The following LDB2 variants were observed in gnomAD, a reference collection of about 807,000 sequenced individuals.
LDB2 encodes LIM domain binding 2.
LDB2 carries 12 observed loss-of-function variants against 44.3 expected under a neutral mutation model. That is an observed-to-expected ratio of 0.27 (90% CI 0.17 to 0.44). LDB2 has a LOEUF of 0.44. LDB2 is among the 20% of genes least tolerant of loss of function. The pLI is 1.00. For synonymous variants in LDB2, 164 were observed against 174.8 expected, an observed-to-expected ratio of 0.94 and a Z score of 0.49; for missense variants, 344 against 473.5, an observed-to-expected ratio of 0.73 and a Z score of 2.54.
chr4:16,633,417 C>T (rs1258389287), intron 2 of LDB2, among the ~76,000 whole-genome samples: 1 of 151,972 alleles, frequency 6.6e-6, no homozygotes, highest in Non-Finnish European at 1.5e-5. Flanking sequence ...GCACGTGTAC[C>T]CTAGAACTTA....
At position 16,517,137 on chromosome 4, in the gene LDB2, G is replaced by T. The variant is rs192296057; in HGVS notation, c.616-5033C>A. On this transcript the variant is annotated intron_variant, in intron 5 of 7. Transcript: ENST00000304523. The stretch of plus-strand genomic sequence containing the variant: ...TTGCTAGTCAAATCCGTTGGGAGCT[G>T]CCATTCCTACCCTCCCTGAGGTCTG... 2.4e-3 allele frequency among the ~76,000 whole-genome samples: 359 copies of T among 152,282 alleles called. 2 individuals carry two copies. Among genetic ancestry groups the T allele is most frequent in the African/African-American group, 8.4e-3 (348 of 41,564 alleles).
At chr4:16,867,376 A>C (rs1428414376) in intron 1 of LDB2, among the ~76,000 whole-genome samples, 2 of 152,250 alleles carry the variant, frequency 1.3e-5, no homozygotes, top group Non-Finnish European at 2.9e-5. Flanking sequence ...TTACCCCCAG[A>C]GTATTAATTA....
intron 1 of LDB2, among the ~76,000 whole-genome samples, chr4:16,798,955 A>T (rs1777250886): frequency 6.6e-6 from 1 of 152,126 alleles, no homozygotes; most frequent in Admixed American, 6.5e-5. Context: ...GGTTCACGCC[A>T]TTCTCCTGCC....
intron 2 of LDB2, among the ~76,000 whole-genome samples, chr4:16,625,386 T>C (rs1730005294): frequency 6.6e-6 from 1 of 152,206 alleles, no homozygotes; most frequent in Non-Finnish European, 1.5e-5. Context: ...TTCTCCTCAG[T>C]AGTGACAGAG....
At chr4:16,767,394 G>C (rs901902977) in intron 1 of LDB2, among the ~76,000 whole-genome samples, 5 of 152,162 alleles carry the variant, frequency 3.3e-5, no homozygotes, top group Admixed American at 1.3e-4. Flanking sequence ...AGCAAACGTA[G>C]GTTTTCCATG....
chr4:16,644,691 A>G (rs904126450), intron 2 of LDB2, among the ~76,000 whole-genome samples: 1 of 152,162 alleles, frequency 6.6e-6, no homozygotes, highest in East Asian at 1.9e-4. Flanking sequence ...TGGCCTCCCA[A>G]AGTGCTGGGA....
intron 1 of LDB2, among the ~76,000 whole-genome samples, chr4:16,816,936 T>A (rs943638792): frequency 1.3e-5 from 2 of 152,138 alleles, no homozygotes; most frequent in Admixed American, 6.5e-5. Flanking sequence ...CAGTCCCTCA[T>A]CTGTATGTCA....
chr4:16,608,599 A>G (rs1057424783), intron 2 of LDB2, among the ~76,000 whole-genome samples: 1 of 152,192 alleles, frequency 6.6e-6, no homozygotes, highest in Non-Finnish European at 1.5e-5. Flanking sequence ...CTAGGTGCCA[A>G]TGCTTACAGC....
chr4:16,684,115 G>A (rs775200248), intron 2 of LDB2, among the ~76,000 whole-genome samples: 5 of 152,212 alleles, frequency 3.3e-5, no homozygotes, highest in Non-Finnish European at 7.3e-5. Flanking sequence ...TCTATTAAGA[G>A]CAATGCCACG....
At chr4:16,760,818 C>A (rs953427254) in intron 1 of LDB2, among the ~76,000 whole-genome samples, 1 of 152,132 alleles carries the variant, frequency 6.6e-6, no homozygotes, top group African/African-American at 2.4e-5. Context: ...GAGGAATCTG[C>A]CAGGGAAAGA....
chr4:16,882,686 T>A (rs566544357), intron 1 of LDB2, among the ~76,000 whole-genome samples: 146 of 152,370 alleles, frequency 9.6e-4, no homozygotes, highest in Admixed American at 2.9e-3. Flanking sequence ...TAATAAACTA[T>A]ATTTTAATGT....
intron 7 of LDB2, 101 bp downstream of exon 7, chr4:16,508,434 G>A: frequency 9.5e-7 from 1 of 1,053,782 alleles, no homozygotes; most frequent in East Asian, 2.9e-5. Context: ...ACCTGCCCAG[G>A]ATTTTTTTTT....
At chr4:16,525,306 CTTCTTGGCTGCT>C (rs1264674690) in intron 5 of LDB2, among the ~76,000 whole-genome samples, 1 of 152,202 alleles carries the variant, frequency 6.6e-6, no homozygotes, top group African/African-American at 2.4e-5. Context: ...GAACAGCTGT[CTTCTTGGCTGCT>C]TTCTTGGGAG....
intron 1 of LDB2, among the ~76,000 whole-genome samples, chr4:16,860,264 G>A (rs1712081365): frequency 6.6e-6 from 1 of 152,170 alleles, no homozygotes; most frequent in African/African-American, 2.4e-5. Flanking sequence ...AAATACTAAT[G>A]AGACCTTTAA....
At chr4:16,734,273 TG>T (rs1231640053) in intron 2 of LDB2, among the ~76,000 whole-genome samples, 1 of 152,188 alleles carries the variant, frequency 6.6e-6, no homozygotes, top group African/African-American at 2.4e-5. Context: ...ACCCACTCAC[TG>T]GGGTAATGCA....
At chr4:16,669,453 C>A (rs1481149648) in intron 2 of LDB2, among the ~76,000 whole-genome samples, 1 of 152,118 alleles carries the variant, frequency 6.6e-6, no homozygotes, top group Non-Finnish European at 1.5e-5. Flanking sequence ...CATTTTTAAT[C>A]AAGTTCTTCC....
chr4:16,699,999 G>A (rs536246235), intron 2 of LDB2, among the ~76,000 whole-genome samples: 11 of 152,230 alleles, frequency 7.2e-5, no homozygotes, highest in South Asian at 4.2e-4. Context: ...AATGTTTGGG[G>A]CCAGATGTGT....
At chr4:16,839,659 G>A (rs1785515164) in intron 1 of LDB2, among the ~76,000 whole-genome samples, 1 of 151,668 alleles carries the variant, frequency 6.6e-6, no homozygotes, top group Non-Finnish European at 1.5e-5. Context: ...AAGAGGATGG[G>A]CAGCTAATTA....
chr4:16,517,213 T>G (rs11731768), intron 5 of LDB2, among the ~76,000 whole-genome samples: 29,332 of 152,100 alleles, frequency 0.19, 2,887 homozygotes, highest in African/African-American at 0.21. Context: ...TTTCAAATTT[T>G]GTACAAAATT....
Sources: allele counts gnomAD v4.1 joint callset (sites outside exome capture counted in the v4.1 genomes callset), GRCh38; gene constraint gnomAD v4.1.1; transcripts MANE v1.5; gene names NCBI Gene and HGNC (gene_info 2026-07-23, HGNC 2026-07-21).